Variants in NRG2 observed in about 807,000 individuals in gnomAD.
The protein encoded by NRG2 is neuregulin 2.
In NRG2, 27 loss-of-function variants were observed where a neutral mutation model predicts 73.9. The ratio of observed to expected loss-of-function variants is 0.37; its 90% CI spans 0.27 to 0.50. The LOEUF (loss-of-function observed/expected upper bound fraction) is 0.50, where lower values mean the gene tolerates loss of function less well. NRG2 is among the 20% of genes least tolerant of loss of function. The probability of loss-of-function intolerance (pLI) is 0.96; values close to 1 mark genes in which losing one functional copy is unlikely to be tolerated. For synonymous variants in NRG2, 532 were observed against 541.0 expected (o/e 0.98, Z 0.23); for missense variants, 1,126 against 1,210.1 (o/e 0.93, Z 1.03).
rs1761394417 is a variant in NRG2, at chr5:139,851,231, A to G, written c.1772+373T>C. Among the ~76,000 whole-genome samples, 1 of 152,152 alleles carries G rather than the reference A, an allele frequency of 6.6e-6. No homozygotes were observed. The highest frequency in any genetic ancestry group is 2.4e-5 in the African/African-American group (1 of 41,432). The stretch of plus-strand genomic sequence containing the variant: ...TCAAACTCCTGACCTCAGGTGATCC[A>G]TCCGCCTTGGCCTCCCAAGTGCTGG... On this transcript the variant is annotated intron_variant, in intron 9 of 9. Transcript: ENST00000361474. The surrounding 1 kb of genome is among the most constrained non-coding windows in gnomAD (Gnocchi z 4.2).
In NRG2 at chr5:139,870,108, T is replaced by G. The variant is rs1293342132; in HGVS notation, c.1112+1613A>C. The stretch of plus-strand genomic sequence containing the variant: ...AAGGAAATGGGGATGCAGGGCTGGG[T>G]CATCCCTGTGAGGTATTCCAGGACC... On this transcript the variant is annotated intron_variant, in intron 4 of 9. Transcript: ENST00000361474. The surrounding 1 kb of genome is among the most constrained non-coding windows in gnomAD (Gnocchi z 4.4). 6.6e-6 allele frequency among the ~76,000 whole-genome samples: 1 copy of G among 152,092 alleles called. No homozygotes were observed. Among genetic ancestry groups the G allele is most frequent in the East Asian group, 1.9e-4 (1 of 5,188 alleles).
intron 1 of NRG2, among the ~76,000 whole-genome samples, chr5:140,034,255 C>T (rs867127496): frequency 3.3e-5 from 5 of 152,268 alleles, no homozygotes; most frequent in South Asian, 2.1e-4. Flanking sequence ...CCACCATGCC[C>T]GGCCACAAAA....
intron 1 of NRG2, among the ~76,000 whole-genome samples, chr5:139,963,147 T>A (rs1755211803): frequency 6.6e-6 from 1 of 152,176 alleles, no homozygotes; most frequent in Non-Finnish European, 1.5e-5. Flanking sequence ...ACAAATGGTT[T>A]CCAGACAAGC....
At chr5:139,923,160 C>T (rs561514126) in intron 1 of NRG2, among the ~76,000 whole-genome samples, 4 of 152,042 alleles carry the variant, frequency 2.6e-5, no homozygotes, top group Admixed American at 6.5e-5. Flanking sequence ...ACCACCATGG[C>T]GGGGAATGTC....
intron 1 of NRG2, among the ~76,000 whole-genome samples, chr5:140,002,307 T>C (rs1291093408): frequency 1.3e-5 from 2 of 152,014 alleles, no homozygotes; most frequent in South Asian, 2.1e-4. Context: ...ATAAGAAAAG[T>C]TGGTAAAATA....
In NRG2 at chr5:139,859,924, G is replaced by C. The variant is rs753146727; in HGVS notation, c.1190-4146C>G. On this transcript the variant is annotated intron_variant, in intron 5 of 9. Transcript: ENST00000361474. ...AAATCCAAGGTGCTCTGGCAGTGCA[G>C]AAGAGCGAGGGTCACAAAGGGAGGG... 1.9e-6 allele frequency: 3 copies of C among 1,596,506 alleles called. No homozygotes were observed. In the South Asian group the frequency reaches 3.3e-5, roughly 18 times the overall value.
At chr5:139,855,076 C>T (rs1310814523) in intron 6 of NRG2, among the ~76,000 whole-genome samples, 1 of 152,292 alleles carries the variant, frequency 6.6e-6, no homozygotes, top group East Asian at 1.9e-4. Context: ...TCTCCTTGCC[C>T]CAAGGTTCTG....
intron 1 of NRG2, among the ~76,000 whole-genome samples, chr5:139,922,086 A>AAAAT (rs1751712113): frequency 6.6e-6 from 1 of 151,530 alleles, no homozygotes; most frequent in Non-Finnish European, 1.5e-5. Context: ...AAAAAAAAAA[A>AAAAT]AAAAATTAAA....
At chr5:139,895,852 G>A (rs1359151374) in intron 1 of NRG2, among the ~76,000 whole-genome samples, 2 of 152,214 alleles carry the variant, frequency 1.3e-5, no homozygotes, top group African/African-American at 4.8e-5. Context: ...TCCCTACTGG[G>A]GAAAGCTGGG....
chr5:139,910,115 A>G (rs962998072), intron 1 of NRG2, among the ~76,000 whole-genome samples: 64 of 152,306 alleles, frequency 4.2e-4, no homozygotes, highest in African/African-American at 1.5e-3. Flanking sequence ...AGATTAGGTT[A>G]ATCTGAAAAA....
intron 1 of NRG2, among the ~76,000 whole-genome samples, chr5:139,948,423 G>A (rs547196909): frequency 1.3e-5 from 2 of 152,136 alleles, no homozygotes; most frequent in South Asian, 2.1e-4. Flanking sequence ...ACAGAGGTCC[G>A]CTTCACATAT....
chr5:140,024,551 G>C (rs1405066379), intron 1 of NRG2, among the ~76,000 whole-genome samples: 1 of 152,072 alleles, frequency 6.6e-6, no homozygotes, highest in Non-Finnish European at 1.5e-5. Context: ...CACCGCCCCC[G>C]GCCAGAGTAA....
chr5:139,960,492 G>A (rs1367074794), intron 1 of NRG2, among the ~76,000 whole-genome samples: 1 of 152,172 alleles, frequency 6.6e-6, no homozygotes, highest in Non-Finnish European at 1.5e-5. Flanking sequence ...TCCAGCCTGG[G>A]CAACAGCGAG....
intron 1 of NRG2, among the ~76,000 whole-genome samples, chr5:140,028,234 C>T (rs923836788): frequency 2.1e-4 from 32 of 152,206 alleles, no homozygotes; most frequent in African/African-American, 6.5e-4. Flanking sequence ...AATCATTTTA[C>T]GTGTTGTGTC....
chr5:139,888,958 G>A (rs1764044442), intron 1 of NRG2, among the ~76,000 whole-genome samples: 1 of 152,172 alleles, frequency 6.6e-6, no homozygotes, highest in Non-Finnish European at 1.5e-5. Flanking sequence ...TGCTCTCTAT[G>A]TGCCAGGCTC....
chr5:139,854,191 G>T (rs545320489), intron 6 of NRG2, among the ~76,000 whole-genome samples: 1 of 152,366 alleles, frequency 6.6e-6, no homozygotes, highest in South Asian at 2.1e-4. Flanking sequence ...TCCATGGTGA[G>T]CTTGTTTCTG....
In NRG2 at chr5:139,848,514, C is replaced by T. The variant is rs1761181889; in HGVS notation, c.1956G>A (p.Ala652=). The T allele has an allele frequency of 3.6e-6, 5 of 1,385,620 alleles. No homozygotes were observed. The South Asian group carries it at 6.8e-5, about 19-fold the overall frequency. 85.8% of individuals were successfully genotyped at this position (1,385,620 alleles called of 1,614,324 possible). ...CGGGTCCGGGTCCCGGGCCGGGGGG[C>T]GCCGGGTGCCGCAGTAACGGCTGCT... ...AEQQPLLRHP[A]PPGPGPGPGP... The change falls in exon 10 of 10, where the codon GCG becomes GCA. Residue 652 remains alanine (A), a synonymous_variant. Coordinates refer to ENST00000361474, the MANE Select transcript of NRG2 (RefSeq NM_004883.3).
At chr5:140,006,054 T>G (rs540088877) in intron 1 of NRG2, among the ~76,000 whole-genome samples, 1 of 152,344 alleles carries the variant, frequency 6.6e-6, no homozygotes, top group East Asian at 1.9e-4. Flanking sequence ...TAGCACATGT[T>G]GCCCCATTCC....
At chr5:140,007,965 C>T (rs1005618016) in intron 1 of NRG2, among the ~76,000 whole-genome samples, 1 of 152,220 alleles carries the variant, frequency 6.6e-6, no homozygotes, top group African/African-American at 2.4e-5. Context: ...CCCGGATCTT[C>T]CATTCTCTCT....
Sources: allele counts gnomAD v4.1 joint callset (sites outside exome capture counted in the v4.1 genomes callset), GRCh38; gene constraint gnomAD v4.1.1; non-coding constraint Gnocchi (gnomAD v3.1); transcripts MANE v1.5; gene names NCBI Gene and HGNC (gene_info 2026-07-23, HGNC 2026-07-21).